NSD3: variants seen among roughly 807,000 people sequenced by gnomAD.
NSD3 encodes histone-lysine N-methyltransferase NSD3.
NSD3 carries 24 observed loss-of-function variants against 160.8 expected under a neutral mutation model. That is an observed-to-expected ratio of 0.15 (90% CI 0.11 to 0.21). NSD3 has a LOEUF of 0.21. Ranked by LOEUF, NSD3 falls within the 10% of genes least tolerant of loss-of-function variation. The pLI, the probability that NSD3 is intolerant of heterozygous loss-of-function variation, is 1.00. For synonymous variants in NSD3, 520 were observed against 600.0 expected (o/e 0.87, Z 1.95); for missense variants, 1,157 against 1,735.9 (o/e 0.67, Z 5.93).
chr8:38,372,043 T>TA (rs1478414242), intron 1 of NSD3, among the ~76,000 whole-genome samples: 1 of 152,222 alleles, frequency 6.6e-6, no homozygotes, highest in Non-Finnish European at 1.5e-5. Flanking sequence ...GGGTCAAACA[T>TA]AGATTGTCAT....
In NSD3 at chr8:38,308,727, G is replaced by T. The variant is rs555224578; in HGVS notation, c.2243-3282C>A. ...TCCACCTGCTCAGGAGGCTGAGGTGGGAGGATTGAGCCCAGGAGGTCGAGG... is the reference window on the plus strand; with the variant it reads ...TCCACCTGCTCAGGAGGCTGAGGTGTGAGGATTGAGCCCAGGAGGTCGAGG... On this transcript the variant is annotated intron_variant, in intron 12 of 23. Coordinates refer to ENST00000317025, the MANE Select transcript of NSD3 (RefSeq NM_023034.2). 1.2e-3 allele frequency among the ~76,000 whole-genome samples: 188 copies of T among 152,214 alleles called. 1 individual carries two copies. Among genetic ancestry groups the T allele is most frequent in the Middle Eastern group, 3.4e-3 (1 of 294 alleles).
intron 4 of NSD3, among the ~76,000 whole-genome samples, chr8:38,334,802 T>G (rs1051522316): frequency 6.6e-6 from 1 of 151,984 alleles, no homozygotes; most frequent in African/African-American, 2.4e-5. Flanking sequence ...GATATGAGAA[T>G]TATATTTCAA....
intron 21 of NSD3, among the ~76,000 whole-genome samples, chr8:38,279,276 G>C (rs1050052754): frequency 1.3e-5 from 2 of 152,164 alleles, no homozygotes; most frequent in Admixed American, 6.5e-5. Context: ...GCAGGACTGC[G>C]GACACAGAAT....
intron 16 of NSD3, among the ~76,000 whole-genome samples, chr8:38,293,922 CAAAAAAAAAAAAA>C (rs11290856): frequency 5.8e-4 from 29 of 49,930 alleles, no homozygotes; most frequent in African/African-American, 1.5e-3. Context: ...GACTCCGTCT[CAAAAAAAAAAAAA>C]AAAAAAAAAA....
chr8:38,311,748 T>C (rs1809540600), intron 12 of NSD3, among the ~76,000 whole-genome samples: 1 of 152,244 alleles, frequency 6.6e-6, no homozygotes, highest in Non-Finnish European at 1.5e-5. Flanking sequence ...CTTTACATTA[T>C]GTTGATAAGA....
At chr8:38,281,409 T>C in intron 20 of NSD3, 58 bp downstream of exon 20, 1 of 949,380 alleles carries the variant, frequency 1.1e-6, no homozygotes, top group South Asian at 2.3e-5. Context: ...AAATTAAGAC[T>C]ATGAAACAAA....
Position 38,288,607 on chromosome 8 carries a change from C to A in NSD3, c.3381G>T (p.Val1127=). 1 of 1,614,200 alleles carries A rather than the reference C, an allele frequency of 6.2e-7. No individual in the cohort carries two copies. The highest frequency in any genetic ancestry group is 8.5e-7 in the Non-Finnish European group (1 of 1,180,038). The change falls in exon 19 of 24, where the codon GTG becomes GTT. Residue 1127 remains valine (V), a synonymous_variant. Transcript: ENST00000317025. The surrounding 1 kb of genome is among the most constrained non-coding windows in gnomAD (Gnocchi z 4.5). ...TCTGACAACGATCTCCAGCTGGGCA[C>A]ACCTGCGGGTGGCATTCATACTGCA... ...RMLQYECHPQ[V]CPAGDRCQNQ... is the part of the protein sequence containing the mutation.
At chr8:38,338,092 G>C (rs1810268053) in intron 3 of NSD3, among the ~76,000 whole-genome samples, 1 of 152,082 alleles carries the variant, frequency 6.6e-6, no homozygotes, top group Non-Finnish European at 1.5e-5. Context: ...ACAAGGTCAG[G>C]AGATCGAGAC....
chr8:38,315,261 G>GA (rs966456711), intron 11 of NSD3, among the ~76,000 whole-genome samples, 155 bp downstream of exon 11: 1 of 151,922 alleles, frequency 6.6e-6, no homozygotes, highest in Non-Finnish European at 1.5e-5. Context: ...CTCAGAAAGG[G>GA]AAAAAAAGAA....
chr8:38,367,301 T>C (rs1811126949), intron 1 of NSD3, among the ~76,000 whole-genome samples: 1 of 152,218 alleles, frequency 6.6e-6, no homozygotes, highest in South Asian at 2.1e-4. Flanking sequence ...GTGATCCACA[T>C]ATATAAAATG....
At position 38,275,359 on chromosome 8, in the gene NSD3, C is replaced by T. The variant is rs1174055858; in HGVS notation, c.*282G>A. The stretch of plus-strand genomic sequence containing the variant: ...TTTCTCTTTGTTCTTATTTTAACAG[C>T]AAAAACATTTCTTTTTCAAGCTGCA... On this transcript the variant is annotated 3_prime_UTR_variant, in exon 24 of 24. Transcript: ENST00000317025. 1 of 339,104 alleles carries T rather than the reference C, an allele frequency of 2.9e-6. No individual in the cohort carries two copies. Among genetic ancestry groups the T allele is most frequent in the Non-Finnish European group, 5.4e-6 (1 of 186,276 alleles). The allele number at this position is 339,104 out of a possible 1,614,324, so 21.0% of individuals were successfully genotyped here.
chr8:38,331,244 T>A (rs531715185), intron 5 of NSD3, among the ~76,000 whole-genome samples, 187 bp downstream of exon 5: 23 of 152,218 alleles, frequency 1.5e-4, no homozygotes, highest in Admixed American at 1.2e-3. Flanking sequence ...ACGTCGTTTA[T>A]ATGACATATA....
chr8:38,322,266 G>A lies in NSD3; in HGVS notation c.1709-1094C>T, dbSNP rs1027680543. On this transcript the variant is annotated intron_variant, in intron 7 of 23. Transcript: ENST00000317025. ...CTTTGTTTTGTTTTTGGGAAGGAGC[G>A]GGTAGTTTGATAACAATATATTGTT... Among the ~76,000 whole-genome samples the A allele has an allele frequency of 7.9e-5, 12 of 152,118 alleles. No individual in the cohort carries two copies. In the East Asian group the frequency reaches 1.5e-3, roughly 20 times the overall value.
chr8:38,347,809 T>G lies in NSD3; in HGVS notation c.363A>C (p.Pro121=), dbSNP rs1253049041. 3 of 1,614,036 alleles carry G rather than the reference T, an allele frequency of 1.9e-6. No individual in the cohort carries two copies. In the South Asian group the frequency reaches 3.3e-5, roughly 18 times the overall value. ...YYHSEIPNTR[P]HEILEKPSPP... is the part of the protein sequence containing the mutation. ...GGGAAGGTTTTTCCAGAATTTCATGTGGTCTTGTGTTTGGAATTTCTGAAT... is the reference window on the plus strand; with the variant it reads ...GGGAAGGTTTTTCCAGAATTTCATGGGGTCTTGTGTTTGGAATTTCTGAAT... Residue 121 remains proline, a synonymous_variant, in exon 2 of 24, where the codon CCA becomes CCC. Transcript: ENST00000317025.
In NSD3 at chr8:38,338,459, T is replaced by C. The variant is rs1810278059; in HGVS notation, c.747+77A>G. The C allele has an allele frequency of 3.4e-6, 4 of 1,191,308 alleles. No individual in the cohort carries two copies. The African/African-American group carries it at 4.5e-5, about 13-fold the overall frequency. 73.8% of individuals were successfully genotyped at this position (1,191,308 alleles called of 1,614,324 possible). A position where few individuals can be genotyped will look rare whatever the true frequency, so the allele number is the denominator to read the frequency against. On this transcript the variant is annotated intron_variant, in intron 3 of 23. Coordinates refer to ENST00000317025, the MANE Select transcript of NSD3 (RefSeq NM_023034.2). ...ATTAAGAAGCGTAGTACCAATACAA[T>C]TGTGTTGCAATTCAATCACTGTGTT...
At chr8:38,308,230 C>G (rs117360197) in intron 12 of NSD3, among the ~76,000 whole-genome samples, 1 of 152,052 alleles carries the variant, frequency 6.6e-6, no homozygotes, top group African/African-American at 2.4e-5. Flanking sequence ...TATAAAAGTT[C>G]TTTAAAATGA....
chr8:38,272,245 A>G lies in NSD3; in HGVS notation c.*3396T>C, dbSNP rs1211723607. The G allele has an allele frequency of 1.3e-5, 2 of 152,252 alleles. No homozygotes were observed. The highest frequency in any genetic ancestry group is 6.5e-5 in the Admixed American group (1 of 15,278). 9.4% of individuals were successfully genotyped at this position (152,252 alleles called of 1,614,324 possible). On this transcript the variant is annotated 3_prime_UTR_variant, in exon 24 of 24. Coordinates refer to ENST00000317025, the MANE Select transcript of NSD3 (RefSeq NM_023034.2). ...GCTTTCACATATGTTCTTGACTTGT[A>G]CAGAAAATCCCAAATTTTAAATGAT...
At chr8:38,304,403 T>C (rs924301342) in intron 14 of NSD3, among the ~76,000 whole-genome samples, 184 bp downstream of exon 14, 1 of 152,218 alleles carries the variant, frequency 6.6e-6, no homozygotes, top group Non-Finnish European at 1.5e-5. Context: ...ACTTTGGACA[T>C]CTAGCATTAT....
At chr8:38,380,902 C>T (rs1258412150) in intron 1 of NSD3, 1 of 152,162 alleles carries the variant, frequency 6.6e-6, no homozygotes, top group Admixed American at 6.6e-5. Flanking sequence ...ACTCCCTCCC[C>T]AAAACCATCA....
Sources: allele counts gnomAD v4.1 joint callset (sites outside exome capture counted in the v4.1 genomes callset), GRCh38; gene constraint gnomAD v4.1.1; non-coding constraint Gnocchi (gnomAD v3.1); transcripts MANE v1.5; gene names NCBI Gene and HGNC (gene_info 2026-07-23, HGNC 2026-07-21).